The following SLC12A7 variants were observed in gnomAD, a reference collection of about 807,000 sequenced individuals.
SLC12A7 encodes K-Cl cotransporter 4.
In SLC12A7, 100 loss-of-function variants were observed where a neutral mutation model predicts 120.6. The ratio of observed to expected loss-of-function variants is 0.83; its 90% confidence interval spans 0.71 to 0.98. The LOEUF is 0.98. Among genes scored for constraint, SLC12A7 ranks in the 50% least tolerant of loss-of-function variants. SLC12A7 has a pLI of 0.00. For missense variants in SLC12A7, 1,373 were observed against 1,548.1 expected (o/e 0.89, Z 1.90); for synonymous variants, 760 against 678.0 (o/e 1.12, Z -1.88).
At chr5:1,083,723 G>A in intron 8 of SLC12A7, 22 bp downstream of exon 8, 2 of 1,609,448 alleles carry the variant, frequency 1.2e-6, no homozygotes, top group Non-Finnish European at 1.7e-6. Context: ...CCCAGCTCCA[G>A]CTGCAGCCCT....
chr5:1,076,846 G>A (rs1450749168), intron 12 of SLC12A7, 34 bp from the exon 13 acceptor site: 22 of 1,401,636 alleles, frequency 1.6e-5, no homozygotes, highest in Non-Finnish European at 2.0e-5. Context: ...TGGGGCAGAT[G>A]ACACCACCCT....
At position 1,076,190 on chromosome 5, in the gene SLC12A7, G is replaced by T. The variant is rs1299051449; in HGVS notation, c.1795C>A (p.Gln599Lys). Reference protein sequence around the residue: ...YLFVNLACAVQTLLRTPNWRP... With the variant: ...YLFVNLACAVKTLLRTPNWRP... Reference sequence around the variant, plus strand: ...CAGTTGGGGGTACGTAGCAGGGTCTGCACGGCGCAGGCCAGGTTCACGAAC... The same window carrying T: ...CAGTTGGGGGTACGTAGCAGGGTCTTCACGGCGCAGGCCAGGTTCACGAAC... Residue 599 changes from glutamine (Q) to lysine (K), a missense_variant, in exon 14 of 24, where the codon CAG becomes AAG. Physicochemically the swap from Gln to Lys is moderately conservative, Grantham distance 53. Transcript: ENST00000264930. 6.2e-7 allele frequency: 1 copy of T among 1,612,420 alleles called. No homozygotes were observed. Among genetic ancestry groups the T allele is most frequent in the Non-Finnish European group, 8.5e-7 (1 of 1,179,688 alleles).
chr5:1,113,904 CAG>C (rs1340570856), upstream of SLC12A7, among the ~76,000 whole-genome samples: 1 of 152,204 alleles, frequency 6.6e-6, no homozygotes, highest in Non-Finnish European at 1.5e-5. Context: ...GGACAGAGCT[CAG>C]GGTGGGCACG....
At chr5:1,105,415 A>G (rs1310557831) in intron 1 of SLC12A7, among the ~76,000 whole-genome samples, 21 of 125,604 alleles carry the variant, frequency 1.7e-4, no homozygotes, top group Non-Finnish European at 2.2e-4. Flanking sequence ...GACCCTCCCC[A>G]CAGGGATGAG....
the SLC12A7 span, among the ~76,000 whole-genome samples, chr5:1,135,240 C>T: frequency 3.3e-5 from 5 of 152,216 alleles, no homozygotes; most frequent in Middle Eastern, 3.2e-3. Flanking sequence ...CAGCCAGAAC[C>T]TTCCTAGTAA....
In SLC12A7 at chr5:1,059,282, C is replaced by T. The variant is rs547695003; in HGVS notation, c.2847+1062G>A. Among the ~76,000 whole-genome samples, 11 of 152,336 alleles carry T rather than the reference C, an allele frequency of 7.2e-5. No individual in the cohort carries two copies. The East Asian group carries it at 2.1e-3, about 29-fold the overall frequency. On this transcript the variant is annotated intron_variant, in intron 21 of 23. Coordinates refer to ENST00000264930, the MANE Select transcript of SLC12A7 (RefSeq NM_006598.3). ...GTGGACAGGACCGCAGCTCCACACG[C>T]CTTTCTCTGTTGGGGGAGAGCAGCA...
chr5:1,152,164 C>G, the SLC12A7 span, among the ~76,000 whole-genome samples: 1 of 152,172 alleles, frequency 6.6e-6, no homozygotes, highest in Non-Finnish European at 1.5e-5. Context: ...CCCATCACCT[C>G]CCAGCTGGAC....
rs376699573 is a variant in SLC12A7, at chr5:1,073,611, C to T, written c.2241+22G>A. The stretch of plus-strand genomic sequence containing the variant: ...AGCTGGGGTGGGAAAGAGGCCTGGC[C>T]CCCAGACCCCGCCCGGCCCACCTCC... On this transcript the variant is annotated intron_variant, in intron 17 of 23. Coordinates refer to ENST00000264930, the MANE Select transcript of SLC12A7 (RefSeq NM_006598.3). 4.3e-5 allele frequency: 68 copies of T among 1,589,852 alleles called. No homozygotes were observed. In the African/African-American group the frequency reaches 7.5e-4, roughly 18 times the overall value.
At chr5:1,064,996 G>A (rs1446123750) in intron 18 of SLC12A7, among the ~76,000 whole-genome samples, 1 of 139,398 alleles carries the variant, frequency 7.2e-6, no homozygotes, top group East Asian at 2.3e-4. Flanking sequence ...GATGGCAAAG[G>A]GATGCAGAGG....
chr5:1,062,352 C>T (rs1458184270), intron 20 of SLC12A7, among the ~76,000 whole-genome samples: 1 of 152,206 alleles, frequency 6.6e-6, no homozygotes, highest in Non-Finnish European at 1.5e-5. Flanking sequence ...AATAATAACC[C>T]CTACAACCTT....
intron 8 of SLC12A7, among the ~76,000 whole-genome samples, chr5:1,082,554 G>A (rs1251586827): frequency 1.5e-5 from 2 of 129,300 alleles, no homozygotes; most frequent in Admixed American, 8.1e-5. Context: ...CGGGCTTCCT[G>A]TCTCGGGTTC....
chr5:1,094,692 C>T (rs1740908023), intron 1 of SLC12A7, among the ~76,000 whole-genome samples: 1 of 152,238 alleles, frequency 6.6e-6, no homozygotes, highest in South Asian at 2.1e-4. Context: ...GCAAAATTCT[C>T]ACTCTTAAAA....
chr5:1,123,150 C>T, the SLC12A7 span, among the ~76,000 whole-genome samples: 1 of 152,226 alleles, frequency 6.6e-6, no homozygotes, highest in Non-Finnish European at 1.5e-5. Flanking sequence ...TGATTTCTGT[C>T]CTATTTTTAC....
At chr5:1,078,832 G>A (rs1474202179) in intron 10 of SLC12A7, 74 bp from the exon 11 acceptor site, 1 of 623,148 alleles carries the variant, frequency 1.6e-6, no homozygotes, top group South Asian at 1.9e-5. Context: ...GTGGGGTGGG[G>A]TGGGGTGGGT....
At position 1,086,907 on chromosome 5, in the gene SLC12A7, A is replaced by G. The variant is rs1427011356; in HGVS notation, c.671T>C (p.Phe224Ser). The G allele has an allele frequency of 1.2e-6, 2 of 1,612,620 alleles. No homozygotes were observed. The highest frequency in any genetic ancestry group is 1.7e-4 in the Middle Eastern group (1 of 6,060). ...CTTCCAAAGCAGCACACTTACCAGA[A>G]AAATCTCGATGGTCCCCAAAATATA... The part of the protein sequence containing the change: ...AMYILGTIEI[F>S]LTYISPGAAI... Residue 224 changes from phenylalanine (F) to serine (S), a missense_variant, in exon 6 of 24, where the codon TTT becomes TCT. By Grantham distance (155) the Phe-to-Ser change is radical (BLOSUM62 -2). Coordinates refer to ENST00000264930, the MANE Select transcript of SLC12A7 (RefSeq NM_006598.3).
chr5:1,091,434 G>A lies in SLC12A7; in HGVS notation c.342+2099C>T, dbSNP rs912442112. Among the ~76,000 whole-genome samples, 7 of 152,144 alleles carry A rather than the reference G, an allele frequency of 4.6e-5. No individual in the cohort carries two copies. The East Asian group carries it at 7.7e-4, about 17-fold the overall frequency. ...CGAGCTGGAGCTAAAGCCTGTTCCC[G>A]GAGCACTCGGACCAGGCCCGTGGGA... On this transcript the variant is annotated intron_variant, in intron 3 of 23. Transcript: ENST00000264930.
intron 17 of SLC12A7, among the ~76,000 whole-genome samples, chr5:1,069,284 G>A (rs1276505236): frequency 6.6e-6 from 1 of 152,234 alleles, no homozygotes; most frequent in Non-Finnish European, 1.5e-5. Context: ...CACCACCTGA[G>A]GCTGCTACCA....
Position 1,086,890 on chromosome 5 carries a change from G to T in SLC12A7, c.675+13C>A. The T allele has an allele frequency of 6.2e-7, 1 of 1,612,146 alleles. No individual in the cohort carries two copies. Among genetic ancestry groups the T allele is most frequent in the Non-Finnish European group, 8.5e-7 (1 of 1,179,388 alleles). ...ACTGTGGGGTGGGAACCCTTCCAAA[G>T]CAGCACACTTACCAGAAAAATCTCG... On this transcript the variant is annotated intron_variant, in intron 6 of 23. Coordinates refer to ENST00000264930, the MANE Select transcript of SLC12A7 (RefSeq NM_006598.3).
At chr5:1,104,608 C>G (rs1052429261) in intron 1 of SLC12A7, among the ~76,000 whole-genome samples, 1 of 152,218 alleles carries the variant, frequency 6.6e-6, no homozygotes, top group Non-Finnish European at 1.5e-5. Context: ...GGGGTCAACA[C>G]AGGCCTGGGC....
Sources: allele counts gnomAD v4.1 joint callset (sites outside exome capture counted in the v4.1 genomes callset), GRCh38; gene constraint gnomAD v4.1.1; transcripts MANE v1.5; gene names NCBI Gene and HGNC (gene_info 2026-07-23, HGNC 2026-07-21).